GYS1: variants seen among roughly 807,000 people sequenced by gnomAD.
The protein encoded by GYS1 is glycogen [starch] synthase, muscle.
A neutral mutation model predicts 89.1 loss-of-function variants in GYS1; 60 were observed. That is an observed-to-expected ratio of 0.67 (90% CI 0.55 to 0.84). The LOEUF is 0.84. Ranked by LOEUF, GYS1 falls within the 40% of genes least tolerant of loss-of-function variation. GYS1 has a pLI of 0.00. For missense variants in GYS1, 888 were observed against 1,003.1 expected (o/e 0.89, Z 1.55); for synonymous variants, 366 against 401.7 (o/e 0.91, Z 1.06).
chr19:48,976,606 TG>T, intron 10 of GYS1, among the ~76,000 whole-genome samples: 1 of 152,164 alleles, frequency 6.6e-6, no homozygotes, highest in East Asian at 1.9e-4. Flanking sequence ...TGGGTGCTTT[TG>T]CTCACCTCCT....
At chr19:48,989,984 G>T in intron 2 of GYS1, among the ~76,000 whole-genome samples, 1 of 112,650 alleles carries the variant, frequency 8.9e-6, no homozygotes, top group African/African-American at 3.6e-5. Flanking sequence ...CCCAGCTGTT[G>T]TCTGCCCTTT....
intron 10 of GYS1, among the ~76,000 whole-genome samples, chr19:48,977,335 G>A (rs776199165): frequency 6.6e-6 from 1 of 152,200 alleles, no homozygotes; most frequent in Non-Finnish European, 1.5e-5. Context: ...ACTCACGCTT[G>A]TAAACTCAGC....
intron 10 of GYS1, among the ~76,000 whole-genome samples, chr19:48,977,169 A>C (rs1408508774): frequency 2.0e-5 from 3 of 152,156 alleles, no homozygotes; most frequent in Admixed American, 2.0e-4. Context: ...ACAGTGGCAC[A>C]GTCATGGCTC....
intron 5 of GYS1, among the ~76,000 whole-genome samples, chr19:48,984,808 G>C (rs2038816670): frequency 6.6e-6 from 1 of 151,958 alleles, no homozygotes; most frequent in Non-Finnish European, 1.5e-5. Context: ...ATGAACCTGG[G>C]AGGCGGAGCT....
chr19:48,973,280 C>T (rs1045492842), intron 12 of GYS1, among the ~76,000 whole-genome samples: 5 of 151,920 alleles, frequency 3.3e-5, no homozygotes, highest in South Asian at 2.1e-4. Flanking sequence ...ACATGTGGAA[C>T]GGTGAGTCAA....
Position 48,968,130 on chromosome 19 carries a change from T to A in GYS1, c.*1158A>T. ...GTGTCATGTCTGACCACACCTGGGA[T>A]TCTTAAATATAGATGTATTTTTTTC... On this transcript the variant is annotated 3_prime_UTR_variant, in exon 16 of 16. Transcript: ENST00000323798. 3 of 445,928 alleles carry A rather than the reference T, an allele frequency of 6.7e-6. No individual in the cohort carries two copies. The highest frequency in any genetic ancestry group is 4.7e-5 in the South Asian group (3 of 64,014). The allele number at this position is 445,928 out of a possible 1,614,324, so 27.6% of individuals were successfully genotyped here. A position where few individuals can be genotyped will look rare whatever the true frequency, so the allele number is the denominator to read the frequency against.
At chr19:48,979,898 C>T (rs138508083) in intron 8 of GYS1, among the ~76,000 whole-genome samples, 4 of 151,926 alleles carry the variant, frequency 2.6e-5, no homozygotes, top group East Asian at 3.9e-4. Flanking sequence ...CCACCCGCCT[C>T]GGCCTCCCAA....
At chr19:48,985,769 G>T in intron 4 of GYS1, 81 bp downstream of exon 4, 2 of 1,539,396 alleles carry the variant, frequency 1.3e-6, no homozygotes, top group Non-Finnish European at 9.0e-7. Flanking sequence ...AGAAGAGGGG[G>T]TGCCATCCCC....
chr19:48,987,457 T>A, intron 2 of GYS1, 72 bp from the exon 3 acceptor site: 1 of 1,240,706 alleles, frequency 8.1e-7, no homozygotes, highest in Non-Finnish European at 1.1e-6. Context: ...CATCCGTGGT[T>A]CTCCCATTTG....
chr19:48,988,054 G>A (rs1214149296), intron 2 of GYS1, among the ~76,000 whole-genome samples: 3 of 152,046 alleles, frequency 2.0e-5, no homozygotes, highest in East Asian at 3.9e-4. Flanking sequence ...CGCCCGCCTC[G>A]GCGTCCCAAA....
chr19:48,991,725 G>A lies in GYS1; in HGVS notation c.119-242C>T, dbSNP rs927744724. On this transcript the variant is annotated intron_variant, in intron 1 of 15. Coordinates refer to ENST00000323798, the MANE Select transcript of GYS1 (RefSeq NM_002103.5). The surrounding 1 kb of genome is among the most constrained non-coding windows in gnomAD (Gnocchi z 4.7). ...GGGGGCTGGGGTCAGGACCCTGAAG[G>A]AGGAGGGGGCTCAGGCTAGACTTCT... is the stretch of plus-strand genomic sequence containing the variant. 1.3e-5 allele frequency among the ~76,000 whole-genome samples: 2 copies of A among 152,068 alleles called. No homozygotes were observed. Among genetic ancestry groups the A allele is most frequent in the Non-Finnish European group, 2.9e-5 (2 of 67,990 alleles).
rs796205047 is a variant in GYS1, at chr19:48,990,003, G to GGCGGT, written c.300+1298_300+1299insACCGC. 6.8e-5 allele frequency among the ~76,000 whole-genome samples: 10 copies of GGCGGT among 147,740 alleles called. 2 individuals are homozygous for GGCGGT. Among genetic ancestry groups the GGCGGT allele is most frequent in the African/African-American group, 2.6e-4 (10 of 38,520 alleles). The stretch of plus-strand genomic sequence containing the variant: ...GCTGTTGTCTGCCCTTTTGCTGGGG[G>GGCGGT]GGGGGGGGGGCTATTCTTAGGCCCC... On this transcript the variant is annotated intron_variant, in intron 2 of 15. Transcript: ENST00000323798.
intron 12 of GYS1, among the ~76,000 whole-genome samples, chr19:48,973,267 C>T (rs1054730029): frequency 1.3e-5 from 2 of 152,094 alleles, no homozygotes; most frequent in Non-Finnish European, 2.9e-5. Context: ...GAGGCCTCTC[C>T]AGACATGTGG....
At chr19:48,988,548 C>A (rs558990978) in intron 2 of GYS1, among the ~76,000 whole-genome samples, 1 of 151,740 alleles carries the variant, frequency 6.6e-6, no homozygotes, top group Non-Finnish European at 1.5e-5. Context: ...TGAACTCCTG[C>A]GTTCAAGCAG....
At position 48,982,235 on chromosome 19, in the gene GYS1, C is replaced by T. The variant is rs1166929573; in HGVS notation, c.1062+20G>A. Reference sequence around the variant, plus strand: ...ACTGCTTTGCTTGCCCTCCCTGTCCCCTCATAGCCCAGGCCTCACTCTGAG... The same window carrying T: ...ACTGCTTTGCTTGCCCTCCCTGTCCTCTCATAGCCCAGGCCTCACTCTGAG... On this transcript the variant is annotated intron_variant, in intron 7 of 15. Coordinates refer to ENST00000323798, the MANE Select transcript of GYS1 (RefSeq NM_002103.5). 4.2e-5 allele frequency: 67 copies of T among 1,612,658 alleles called. No homozygotes were observed. The highest frequency in any genetic ancestry group is 5.6e-5 in the Non-Finnish European group (66 of 1,179,224).
In GYS1 at chr19:48,991,261, G is replaced by A. The variant is rs199931065; in HGVS notation, c.300+41C>T. The A allele has an allele frequency of 7.7e-4, 1,225 of 1,599,882 alleles. 5 individuals carry two copies. The African/African-American group carries it at 8.0e-3, about 10-fold the overall frequency. On this transcript the variant is annotated intron_variant, in intron 2 of 15. Coordinates refer to ENST00000323798, the MANE Select transcript of GYS1 (RefSeq NM_002103.5). This position sits in a 1 kb window ranked among gnomAD's most constrained non-coding sequence, Gnocchi z 4.7. ...TCTGTGGCTCCCACCCCGATGGCAG[G>A]CTGTCCACCCGCTTCTGCCCTGGGC... is the stretch of plus-strand genomic sequence containing the variant.
intron 6 of GYS1, 119 bp downstream of exon 6, chr19:48,982,601 C>CA: frequency 1.1e-6 from 1 of 885,036 alleles, no homozygotes; most frequent in South Asian, 1.3e-5. Context: ...GCCGAATACC[C>CA]AGGTGCCCCC....
Position 48,986,036 on chromosome 19 carries a change from C to T in GYS1, c.493-1G>A. 1 of 1,613,944 alleles carries T rather than the reference C, an allele frequency of 6.2e-7. No homozygotes were observed. The highest frequency in any genetic ancestry group is 8.5e-7 in the Non-Finnish European group (1 of 1,179,970). ...GCTTCTCCTCACTCTGTGCCAGGAA[C>T]TGTGGGCAACAGGGACAGGGCCACT... On this transcript the variant is annotated splice_acceptor_variant, in intron 3 of 15. Coordinates refer to ENST00000323798, the MANE Select transcript of GYS1 (RefSeq NM_002103.5). LOFTEE classifies it high-confidence loss of function.
intron 8 of GYS1, among the ~76,000 whole-genome samples, chr19:48,978,591 G>C (rs2122493521): frequency 6.7e-6 from 1 of 149,732 alleles, no homozygotes; most frequent in Non-Finnish European, 1.5e-5. Flanking sequence ...GAGCGCAGTG[G>C]TGCGATCTTG....
Sources: allele counts gnomAD v4.1 joint callset (sites outside exome capture counted in the v4.1 genomes callset), GRCh38; gene constraint gnomAD v4.1.1; non-coding constraint Gnocchi (gnomAD v3.1); transcripts MANE v1.5; gene names NCBI Gene and HGNC (gene_info 2026-07-23, HGNC 2026-07-21).